The following ASB18 variants were observed in gnomAD, a reference collection of about 807,000 sequenced individuals.
ASB18 encodes ankyrin repeat and SOCS box protein 18.
A neutral mutation model predicts 33.4 loss-of-function variants in ASB18; 33 were observed. The ratio of observed to expected loss-of-function variants is 0.99; its 90% CI spans 0.75 to 1.32. The LOEUF (loss-of-function observed/expected upper bound fraction) is 1.32, where lower values mean the gene tolerates loss of function less well. Among genes scored for constraint, ASB18 ranks in the 40% most tolerant of loss-of-function variants. The pLI, the probability that ASB18 is intolerant of heterozygous loss-of-function variation, is 0.00. For synonymous variants in ASB18, 295 were observed against 307.6 expected, an observed-to-expected ratio of 0.96 and a Z score of 0.43; for missense variants, 694 against 655.5, an observed-to-expected ratio of 1.06 and a Z score of -0.64.
chr2:236,237,530 G>C lies in ASB18; in HGVS notation c.596+159C>G, dbSNP rs1419159480. On this transcript the variant is annotated intron_variant, in intron 3 of 5. Transcript: ENST00000409749. The surrounding 1 kb of genome is among the most constrained non-coding windows in gnomAD (Gnocchi z 6.2). ...CCGGGGTAGGGACGGGGCGGATGCG[G>C]GTCTGGGGATCCAGTGGGCAGAGTC... is the stretch of plus-strand genomic sequence containing the variant. 6.6e-6 allele frequency among the ~76,000 whole-genome samples: 1 copy of C among 151,146 alleles called. No individual in the cohort carries two copies. Among genetic ancestry groups the C allele is most frequent in the Non-Finnish European group, 1.5e-5 (1 of 67,642 alleles).
chr2:236,236,496 T>C (rs540413393), intron 3 of ASB18, among the ~76,000 whole-genome samples: 1 of 152,332 alleles, frequency 6.6e-6, no homozygotes, highest in South Asian at 2.1e-4. Context: ...TATCAAATTG[T>C]ACGCCTTAAA....
chr2:236,197,468 C>T (rs1009211039), intron 4 of ASB18, among the ~76,000 whole-genome samples: 2 of 152,216 alleles, frequency 1.3e-5, no homozygotes, highest in Non-Finnish European at 2.9e-5. Flanking sequence ...TTGCTGATTA[C>T]ATCCCTGTGG....
In ASB18 at chr2:236,223,815, G is replaced by A. The variant is rs1251523465; in HGVS notation, c.597-8949C>T. On this transcript the variant is annotated intron_variant, in intron 3 of 5. Transcript: ENST00000409749. This position sits in a 1 kb window ranked among gnomAD's most constrained non-coding sequence, Gnocchi z 4.6. ...GGCTTCTTTTGCTCAGCATCATGCT[G>A]TTCACATTCATCCATACTGTTGCCT... Among the ~76,000 whole-genome samples the A allele has an allele frequency of 2.0e-5, 3 of 152,108 alleles. No individual in the cohort carries two copies. Among genetic ancestry groups the A allele is most frequent in the Non-Finnish European group, 4.4e-5 (3 of 68,024 alleles).
chr2:236,236,838 C>T (rs55801537), intron 3 of ASB18, among the ~76,000 whole-genome samples: 29,867 of 152,190 alleles, frequency 0.2, 3,092 homozygotes, highest in South Asian at 0.25. Context: ...CTTAATCTTC[C>T]CCCAGAGACA....
At chr2:236,218,600 C>A (rs1383529652) in intron 3 of ASB18, among the ~76,000 whole-genome samples, 1 of 151,880 alleles carries the variant, frequency 6.6e-6, no homozygotes, top group Non-Finnish European at 1.5e-5. Flanking sequence ...AGATAGAGAC[C>A]ATCCTGGCTA....
chr2:236,257,602 G>A lies in ASB18; in HGVS notation c.205+6539C>T, dbSNP rs531109166. Among the ~76,000 whole-genome samples, 2 of 152,200 alleles carry A rather than the reference G, an allele frequency of 1.3e-5. No homozygotes were observed. Among genetic ancestry groups the A allele is most frequent in the Non-Finnish European group, 2.9e-5 (2 of 68,030 alleles). On this transcript the variant is annotated intron_variant, in intron 1 of 5. Coordinates refer to ENST00000409749, the MANE Select transcript of ASB18 (RefSeq NM_212556.4). The surrounding 1 kb of genome is among the most constrained non-coding windows in gnomAD (Gnocchi z 5.5). The stretch of plus-strand genomic sequence containing the variant: ...ATGTCAGATTAAAGGGTTGTAGACA[G>A]CTTCACTGGGAAGTTTTTTCAGGGA...
Position 236,214,278 on chromosome 2 carries a change from CGCCGCA to C in ASB18, c.1101+78_1101+83del. The C allele has an allele frequency of 7.2e-7, 1 of 1,397,036 alleles. No homozygotes were observed. The highest frequency in any genetic ancestry group is 9.6e-7 in the Non-Finnish European group (1 of 1,042,700). The allele number at this position is 1,397,036 out of a possible 1,614,324, so 86.5% of individuals were successfully genotyped here. On this transcript the variant is annotated intron_variant, in intron 4 of 5. Transcript: ENST00000409749. The surrounding 1 kb of genome is among the most constrained non-coding windows in gnomAD (Gnocchi z 6.5). ...TGCCTGGGCCATTACACTTTGAGAG[CGCCGCA>C]TGCAACCCAGCTCCCAGGCCGGTCA... is the stretch of plus-strand genomic sequence containing the variant.
rs947414441 is a variant in ASB18 at position 236,214,677 on chromosome 2, C to T, written c.786G>A (p.Ala262=). The T allele has an allele frequency of 5.3e-6, 6 of 1,141,730 alleles. No individual in the cohort carries two copies. Among genetic ancestry groups the T allele is most frequent in the Non-Finnish European group, 6.4e-6 (6 of 931,504 alleles). The allele number at this position is 1,141,730 out of a possible 1,614,324, so 70.7% of individuals were successfully genotyped here. A position where few individuals can be genotyped will look rare whatever the true frequency, so the allele number is the denominator to read the frequency against. ...GCCCGTGCTCGTCGGGCCTCCGCGC[C>T]GCACCGCAGGCCGCGCTCAGAGCCG... ...GETALSAACG[A]ARRPDEHGRC... The change falls in exon 4 of 6, where the codon GCG becomes GCA. Residue 262 remains alanine, a synonymous_variant. Coordinates refer to ENST00000409749, the MANE Select transcript of ASB18 (RefSeq NM_212556.4). The surrounding 1 kb of genome is among the most constrained non-coding windows in gnomAD (Gnocchi z 6.5).
intron 4 of ASB18, among the ~76,000 whole-genome samples, chr2:236,206,603 A>G (rs978492505): frequency 1.3e-5 from 2 of 152,186 alleles, no homozygotes; most frequent in African/African-American, 4.8e-5. Flanking sequence ...AGATAAAAAG[A>G]TGCATTTCCT....
At chr2:236,198,750 T>A (rs371147083) in intron 4 of ASB18, among the ~76,000 whole-genome samples, 44 of 152,252 alleles carry the variant, frequency 2.9e-4, no homozygotes, top group East Asian at 7.7e-4. Flanking sequence ...TTGCTCATTT[T>A]TCTATTGGTG....
chr2:236,233,480 G>C (rs2060576151), intron 3 of ASB18, among the ~76,000 whole-genome samples: 1 of 152,088 alleles, frequency 6.6e-6, no homozygotes, highest in South Asian at 2.1e-4. Flanking sequence ...GATTGTAGAA[G>C]AAGTAAAATT....
At position 236,215,476 on chromosome 2, in the gene ASB18, G is replaced by A. The variant is rs1017169870; in HGVS notation, c.597-610C>T. On this transcript the variant is annotated intron_variant, in intron 3 of 5. Coordinates refer to ENST00000409749, the MANE Select transcript of ASB18 (RefSeq NM_212556.4). The surrounding 1 kb of genome is among the most constrained non-coding windows in gnomAD (Gnocchi z 7.2). Reference sequence around the variant, plus strand: ...TGTTGTGAGCCTACCTGTGCTGCTTGAACAGACTGGATATTGGCTGCACCT... The same window carrying A: ...TGTTGTGAGCCTACCTGTGCTGCTTAAACAGACTGGATATTGGCTGCACCT... 1.3e-5 allele frequency among the ~76,000 whole-genome samples: 2 copies of A among 152,136 alleles called. No individual in the cohort carries two copies. The highest frequency in any genetic ancestry group is 4.8e-5 in the African/African-American group (2 of 41,424).
At chr2:236,201,957 A>AC (rs544563232) in intron 4 of ASB18, among the ~76,000 whole-genome samples, 4 of 149,088 alleles carry the variant, frequency 2.7e-5, no homozygotes, top group Non-Finnish European at 6.0e-5. Context: ...TCATTCTTTA[A>AC]TTTTTTTTTT....
chr2:236,234,594 G>A lies in ASB18; in HGVS notation c.596+3095C>T, dbSNP rs902733148. Among the ~76,000 whole-genome samples the A allele has an allele frequency of 4.6e-5, 7 of 152,108 alleles. No homozygotes were observed. The highest frequency in any genetic ancestry group is 1.7e-4 in the African/African-American group (7 of 41,410). Reference sequence around the variant, plus strand: ...CCTGCTTTGCACATGCTTGACAAGAGAGCTCAGAAATAAACTCACGCATAT... The same window carrying A: ...CCTGCTTTGCACATGCTTGACAAGAAAGCTCAGAAATAAACTCACGCATAT... On this transcript the variant is annotated intron_variant, in intron 3 of 5. Transcript: ENST00000409749. The surrounding 1 kb of genome is among the most constrained non-coding windows in gnomAD (Gnocchi z 4.1).
intron 3 of ASB18, among the ~76,000 whole-genome samples, chr2:236,232,388 A>G (rs948092019): frequency 6.6e-5 from 10 of 152,096 alleles, no homozygotes; most frequent in Non-Finnish European, 1.5e-4. Flanking sequence ...GCCTATATTA[A>G]AAAACATGAA....
rs1168545968 is a variant in ASB18, at chr2:236,209,910, C to T, written c.1101+4452G>A. Among the ~76,000 whole-genome samples, 2 of 152,176 alleles carry T rather than the reference C, an allele frequency of 1.3e-5. No homozygotes were observed. Among genetic ancestry groups the T allele is most frequent in the Non-Finnish European group, 2.9e-5 (2 of 68,032 alleles). On this transcript the variant is annotated intron_variant, in intron 4 of 5. Coordinates refer to ENST00000409749, the MANE Select transcript of ASB18 (RefSeq NM_212556.4). The surrounding 1 kb of genome is among the most constrained non-coding windows in gnomAD (Gnocchi z 4.4). ...CCTGCTCCAGGACATTTGCCCAGGA[C>T]GTCTGTCTAGAATGTTTGTCCCCCG...
chr2:236,202,558 C>T (rs10929166), intron 4 of ASB18, among the ~76,000 whole-genome samples: 25,500 of 151,400 alleles, frequency 0.17, 2,181 homozygotes, highest in South Asian at 0.25. Flanking sequence ...CAGTGGCTCA[C>T]GCCTGTAATC....
Position 236,222,090 on chromosome 2 carries a change from C to T in ASB18, c.597-7224G>A, listed in dbSNP as rs750052253. On this transcript the variant is annotated intron_variant, in intron 3 of 5. Coordinates refer to ENST00000409749, the MANE Select transcript of ASB18 (RefSeq NM_212556.4). This position sits in a 1 kb window ranked among gnomAD's most constrained non-coding sequence, Gnocchi z 5.5. Reference sequence around the variant, plus strand: ...TGTGGCTCTATGCCCCAGCTGACTCCGATGAAGGACGGGGAAGCCACAGCT... The same window carrying T: ...TGTGGCTCTATGCCCCAGCTGACTCTGATGAAGGACGGGGAAGCCACAGCT... Among the ~76,000 whole-genome samples, 4 of 152,102 alleles carry T rather than the reference C, an allele frequency of 2.6e-5. No individual in the cohort carries two copies. Among genetic ancestry groups the T allele is most frequent in the African/African-American group, 4.8e-5 (2 of 41,412 alleles).
Position 236,235,454 on chromosome 2 carries a change from C to T in ASB18, c.596+2235G>A, listed in dbSNP as rs2060583507. ...CAACACATTTCTGAGAATGTATCCCCATCGTTAAGCGACAAATGACTGTAT... is the reference window on the plus strand; with the variant it reads ...CAACACATTTCTGAGAATGTATCCCTATCGTTAAGCGACAAATGACTGTAT... On this transcript the variant is annotated intron_variant, in intron 3 of 5. Transcript: ENST00000409749. The surrounding 1 kb of genome is among the most constrained non-coding windows in gnomAD (Gnocchi z 6.2). Among the ~76,000 whole-genome samples the T allele has an allele frequency of 6.6e-6, 1 of 152,198 alleles. No homozygotes were observed. Among genetic ancestry groups the T allele is most frequent in the Admixed American group, 6.5e-5 (1 of 15,278 alleles).
Sources: allele counts gnomAD v4.1 joint callset (sites outside exome capture counted in the v4.1 genomes callset), GRCh38; gene constraint gnomAD v4.1.1; non-coding constraint Gnocchi (gnomAD v3.1); transcripts MANE v1.5; gene names NCBI Gene and HGNC (gene_info 2026-07-23, HGNC 2026-07-21).